RHOBTB3: variants seen among roughly 807,000 people sequenced by gnomAD.
RHOBTB3 encodes the protein rho-related BTB domain-containing protein 3.
In RHOBTB3, 47 loss-of-function variants were observed where a neutral mutation model predicts 67.2. That is an observed-to-expected ratio of 0.70 (90% confidence interval 0.55 to 0.89). The LOEUF (loss-of-function observed/expected upper bound fraction) is 0.89, where lower values mean the gene tolerates loss of function less well. Ranked by LOEUF, RHOBTB3 falls within the 40% of genes least tolerant of loss-of-function variation. The pLI is 0.00. For synonymous variants in RHOBTB3, 273 were observed against 274.2 expected (o/e 1.00, Z 0.04); for missense variants, 631 against 750.0 (o/e 0.84, Z 1.85).
At position 95,755,740 on chromosome 5, in the gene RHOBTB3, A is replaced by C. The variant is rs368758398; in HGVS notation, c.1027A>C (p.Ile343Leu). The C allele has an allele frequency of 1.7e-5, 28 of 1,613,602 alleles. No individual in the cohort carries two copies. The highest frequency in any genetic ancestry group is 2.4e-5 in the Non-Finnish European group (28 of 1,179,982). The stretch of plus-strand genomic sequence containing the variant: ...CCTCTTCTGTTCTTGTTTATCAGAC[A>C]TCCTTCGCTTCATTTATTCAGGTAT... ...DALFCSCLSD[I>L]LRFIYSGAFQ... The change falls in exon 6 of 12, where the codon ATC (isoleucine) becomes CTC (leucine). Residue 343 changes from isoleucine (I) to leucine (L), a missense_variant. Ile to Leu is a conservative substitution (Grantham distance 5). Coordinates refer to ENST00000379982, the MANE Select transcript of RHOBTB3 (RefSeq NM_014899.4).
Position 95,780,431 on chromosome 5 carries a change from C to T in RHOBTB3, c.1456+6C>T. Reference sequence around the variant, plus strand: ...CACAGACTCCTGCTGCCCAGGTTAGCAATACAAATGTTGATAGTATCTCAG... The same window carrying T: ...CACAGACTCCTGCTGCCCAGGTTAGTAATACAAATGTTGATAGTATCTCAG... On this transcript the variant is annotated splice_donor_region_variant and intron_variant, in intron 9 of 11. Coordinates refer to ENST00000379982, the MANE Select transcript of RHOBTB3 (RefSeq NM_014899.4). The T allele has an allele frequency of 1.2e-6, 2 of 1,612,144 alleles. No individual in the cohort carries two copies. Among genetic ancestry groups the T allele is most frequent in the Middle Eastern group, 3.3e-4 (2 of 6,058 alleles).
At chr5:95,787,966 A>T (rs1746271108) in intron 10 of RHOBTB3, among the ~76,000 whole-genome samples, 1 of 152,258 alleles carries the variant, frequency 6.6e-6, no homozygotes, top group Non-Finnish European at 1.5e-5. Context: ...TATTAGTGAC[A>T]TTTAACTGTA....
rs115111589 is a variant in RHOBTB3 at position 95,759,072 on chromosome 5, G to A, written c.1048+3311G>A. Reference sequence around the variant, plus strand: ...ACGCGAGGAAAAATGGATGCCTAGTGGTTGGGTGGAAATTAAGTAAGCCTG... The same window carrying A: ...ACGCGAGGAAAAATGGATGCCTAGTAGTTGGGTGGAAATTAAGTAAGCCTG... On this transcript the variant is annotated intron_variant, in intron 6 of 11. Transcript: ENST00000379982. 5.8e-3 allele frequency among the ~76,000 whole-genome samples: 880 copies of A among 152,346 alleles called. 9 individuals carry two copies. Among genetic ancestry groups the A allele is most frequent in the African/African-American group, 0.02 (822 of 41,574 alleles).
intron 3 of RHOBTB3, among the ~76,000 whole-genome samples, chr5:95,742,877 C>A (rs896411139): frequency 2.6e-5 from 4 of 152,136 alleles, no homozygotes; most frequent in Admixed American, 2.0e-4. Flanking sequence ...TCAAGACCAT[C>A]CTGGCTAACA....
chr5:95,745,101 T>G (rs1294191652), intron 3 of RHOBTB3, among the ~76,000 whole-genome samples: 1 of 150,912 alleles, frequency 6.6e-6, no homozygotes, highest in African/African-American at 2.4e-5. Context: ...CATAAAAATT[T>G]AAAAAAATTA....
At chr5:95,782,715 C>G (rs1214184281) in intron 9 of RHOBTB3, 1 of 148,142 alleles carries the variant, frequency 6.8e-6, no homozygotes, top group Non-Finnish European at 1.5e-5. Context: ...GAGGCTGAGG[C>G]AGGAGAATGG....
chr5:95,785,358 G>A (rs956114247), intron 10 of RHOBTB3, among the ~76,000 whole-genome samples: 7 of 152,206 alleles, frequency 4.6e-5, no homozygotes, highest in African/African-American at 1.4e-4. Flanking sequence ...TTGGGAGGCC[G>A]AGGCTGGCGG....
At chr5:95,784,024 A>G (rs1439762581) in intron 10 of RHOBTB3, 61 bp downstream of exon 10, 3 of 1,316,360 alleles carry the variant, frequency 2.3e-6, no homozygotes, top group Non-Finnish European at 3.0e-6. Flanking sequence ...AAATTATACT[A>G]TTTTAAAATT....
intron 2 of RHOBTB3, chr5:95,732,523 G>A (rs1755321371): frequency 4.2e-6 from 1 of 239,996 alleles, no homozygotes; most frequent in Non-Finnish European, 8.0e-6. Context: ...CACTGGGACA[G>A]TTCAGAAATA....
chr5:95,755,559 G>A lies in RHOBTB3; in HGVS notation c.846G>A (p.Met282Ile). 6.2e-7 allele frequency: 1 copy of A among 1,614,120 alleles called. No homozygotes were observed. The highest frequency in any genetic ancestry group is 8.5e-7 in the Non-Finnish European group (1 of 1,179,992). ...TCTGCGCTGTAAGCCATGTTTTCATGCTGCTTTTCAATGTGAAGAGTCCCA... is the reference window on the plus strand; with the variant it reads ...TCTGCGCTGTAAGCCATGTTTTCATACTGCTTTTCAATGTGAAGAGTCCCA... ...IVLCAVSHVF[M>I]LLFNVKSPTD... The change falls in exon 6 of 12, where the codon ATG (methionine) becomes ATA (isoleucine). Residue 282 changes from methionine (M) to isoleucine (I), a missense_variant. Coordinates refer to ENST00000379982, the MANE Select transcript of RHOBTB3 (RefSeq NM_014899.4).
At chr5:95,725,827 GT>G (rs1228148613) in intron 1 of RHOBTB3, among the ~76,000 whole-genome samples, 1 of 142,854 alleles carries the variant, frequency 7.0e-6, no homozygotes, top group Non-Finnish European at 1.5e-5. Flanking sequence ...TTTTTTGAAT[GT>G]TTAGTCAAAA....
intron 10 of RHOBTB3, among the ~76,000 whole-genome samples, chr5:95,787,198 T>G (rs971504082): frequency 1.3e-5 from 2 of 152,152 alleles, no homozygotes; most frequent in Admixed American, 1.3e-4. Flanking sequence ...AACCTCCTGG[T>G]GTTTTGTTAT....
At chr5:95,791,571 A>C (rs1746392061) in intron 11 of RHOBTB3, among the ~76,000 whole-genome samples, 1 of 152,204 alleles carries the variant, frequency 6.6e-6, no homozygotes, top group African/African-American at 2.4e-5. Flanking sequence ...CTGCAGGCTG[A>C]ATCAAGACCC....
intron 2 of RHOBTB3, among the ~76,000 whole-genome samples, chr5:95,733,153 T>C (rs988346653): frequency 8.5e-5 from 13 of 152,202 alleles, no homozygotes; most frequent in African/African-American, 3.1e-4. Flanking sequence ...TCGTGTAAGT[T>C]TTCAGTTAAA....
intron 5 of RHOBTB3, among the ~76,000 whole-genome samples, chr5:95,754,536 G>T (rs768252166): frequency 6.6e-6 from 1 of 152,084 alleles, no homozygotes; most frequent in African/African-American, 2.4e-5. Context: ...TGATTTAGAC[G>T]GTTGCATACC....
intron 3 of RHOBTB3, among the ~76,000 whole-genome samples, chr5:95,738,189 A>AGGGG (rs1755499779): frequency 6.6e-6 from 1 of 152,154 alleles, no homozygotes; most frequent in African/African-American, 2.4e-5. Flanking sequence ...GTATATATAT[A>AGGGG]GCATTAGTAG....
intron 4 of RHOBTB3, 84 bp from the exon 5 acceptor site, chr5:95,752,155 G>T (rs1471552261): frequency 3.0e-5 from 24 of 787,012 alleles, no homozygotes; most frequent in Non-Finnish European, 4.5e-5. Flanking sequence ...TAAAATGTTT[G>T]ACAATTGTGA....
At chr5:95,742,068 G>A (rs1365022589) in intron 3 of RHOBTB3, among the ~76,000 whole-genome samples, 1 of 152,128 alleles carries the variant, frequency 6.6e-6, no homozygotes, top group Non-Finnish European at 1.5e-5. Context: ...TCCAGGCTCA[G>A]ACTTTGCCTA....
rs968991020 is a variant in RHOBTB3 at position 95,743,012 on chromosome 5, T to A, written c.416-5321T>A. 2.6e-5 allele frequency among the ~76,000 whole-genome samples: 4 copies of A among 152,100 alleles called. No homozygotes were observed. The East Asian group carries it at 5.8e-4, about 22-fold the overall frequency. On this transcript the variant is annotated intron_variant, in intron 3 of 11. Coordinates refer to ENST00000379982, the MANE Select transcript of RHOBTB3 (RefSeq NM_014899.4). ...CGTGAACCTGGGAGGCGGAGGTTGC[T>A]GTGAGCCAAGATTGCGCCACTACAC...
Sources: allele counts gnomAD v4.1 joint callset (sites outside exome capture counted in the v4.1 genomes callset), GRCh38; gene constraint gnomAD v4.1.1; transcripts MANE v1.5; gene names NCBI Gene and HGNC (gene_info 2026-07-23, HGNC 2026-07-21).